TYW1: variants seen among roughly 807,000 people sequenced by gnomAD.
The protein encoded by TYW1 is tRNA-yW synthesizing protein 1 homolog.
A neutral mutation model predicts 96.2 loss-of-function variants in TYW1; 46 were observed. That is an observed-to-expected ratio of 0.48 (90% CI 0.38 to 0.61). The LOEUF is 0.61. Among genes scored for constraint, TYW1 ranks in the 20% least tolerant of loss-of-function variants. TYW1 has a pLI of 0.00. For missense variants in TYW1, 684 were observed against 909.6 expected (o/e 0.75, Z 3.19); for synonymous variants, 274 against 323.0 (o/e 0.85, Z 1.63).
chr7:67,040,186 G>A lies in TYW1; in HGVS notation c.985-9763G>A, dbSNP rs1794970480. On this transcript the variant is annotated intron_variant, in intron 7 of 15. Coordinates refer to ENST00000359626, the MANE Select transcript of TYW1 (RefSeq NM_018264.4). ...TTGGCCAGGGTAATTTTGAACTCCT[G>A]ACCTCAAGTGATCCGCCCGCCTTGG... 6.0e-5 allele frequency among the ~76,000 whole-genome samples: 9 copies of A among 151,120 alleles called. No homozygotes were observed. In the South Asian group the frequency reaches 1.9e-3, roughly 32 times the overall value.
intron 13 of TYW1, among the ~76,000 whole-genome samples, chr7:67,158,188 A>G (rs543220263): frequency 7.0e-5 from 10 of 142,280 alleles, no homozygotes; most frequent in African/African-American, 2.4e-4. Flanking sequence ...TCCTGGGTTC[A>G]TGTGATTCTC....
intron 8 of TYW1, among the ~76,000 whole-genome samples, chr7:67,053,380 CTTTTTT>C (rs35828058): frequency 7.4e-6 from 1 of 134,396 alleles, no homozygotes; most frequent in African/African-American, 2.8e-5. Context: ...TAGTTTGTTT[CTTTTTT>C]TTTTTTTTTT....
chr7:67,171,308 T>G (rs1229537018), intron 13 of TYW1, among the ~76,000 whole-genome samples: 1 of 152,176 alleles, frequency 6.6e-6, no homozygotes, highest in South Asian at 2.1e-4. Context: ...AAGGTCCGTT[T>G]AGTTGATTTT....
chr7:67,208,559 G>A (rs1190753431), intron 15 of TYW1, among the ~76,000 whole-genome samples: 11 of 151,874 alleles, frequency 7.2e-5, no homozygotes, highest in South Asian at 2.1e-4. Flanking sequence ...GCGTGGTGGC[G>A]CGTGCCTGTA....
At chr7:67,213,173 T>C (rs1356793899) in intron 15 of TYW1, among the ~76,000 whole-genome samples, 1 of 69,326 alleles carries the variant, frequency 1.4e-5, no homozygotes, top group Non-Finnish European at 3.1e-5. Context: ...CGCCCGGCCC[T>C]TTTTTTTTTT....
At chr7:67,231,802 A>G (rs564756553) in intron 15 of TYW1, among the ~76,000 whole-genome samples, 3 of 150,030 alleles carry the variant, frequency 2.0e-5, no homozygotes, top group South Asian at 4.2e-4. Flanking sequence ...CATGTCCTTC[A>G]CTTCTTAACA....
At chr7:67,076,078 T>G (rs1336986135) in intron 10 of TYW1, among the ~76,000 whole-genome samples, 1 of 152,226 alleles carries the variant, frequency 6.6e-6, no homozygotes, top group African/African-American at 2.4e-5. Flanking sequence ...CGGAGGTGTT[T>G]TTACCTTTCT....
rs869257148 is a variant in TYW1, at chr7:67,135,302, G to GTTTTTTT, written c.1698+17698_1698+17704dup. On this transcript the variant is annotated intron_variant, in intron 13 of 15. Coordinates refer to ENST00000359626, the MANE Select transcript of TYW1 (RefSeq NM_018264.4). ...TCTTTTTGAATATGATGTTAAAACA[G>GTTTTTTT]TTTTTTTTTTTTTTTTTTTTGAGAC... Among the ~76,000 whole-genome samples, 891 of 111,788 alleles carry GTTTTTTT rather than the reference G, an allele frequency of 8.0e-3. 49 individuals carry two copies. Among genetic ancestry groups the GTTTTTTT allele is most frequent in the African/African-American group, 0.022 (574 of 26,320 alleles). 73.3% of individuals were successfully genotyped at this position (111,788 alleles called of 152,430 possible).
In TYW1 at chr7:66,996,915, T is replaced by G; in HGVS notation, c.-64T>G. On this transcript the variant is annotated 5_prime_UTR_variant, in exon 1 of 16. Transcript: ENST00000359626. ...CGAGGTAGCTCGGTGCGTCTCGCGG[T>G]ACCAGTGCGAATCATCGGGCTATCC... is the stretch of plus-strand genomic sequence containing the variant. 1.2e-6 allele frequency: 2 copies of G among 1,612,240 alleles called. No individual in the cohort carries two copies. The highest frequency in any genetic ancestry group is 1.7e-6 in the Non-Finnish European group (2 of 1,179,288).
chr7:67,050,156 A>G, intron 8 of TYW1, 90 bp downstream of exon 8: 3 of 1,455,992 alleles, frequency 2.1e-6, no homozygotes, highest in Non-Finnish European at 2.8e-6. Context: ...TAATTAGCTC[A>G]GCAGCTGTTC....
intron 13 of TYW1, among the ~76,000 whole-genome samples, chr7:67,147,028 T>C (rs1798629634): frequency 6.6e-6 from 1 of 152,166 alleles, no homozygotes; most frequent in Non-Finnish European, 1.5e-5. Flanking sequence ...CATTTACATC[T>C]TTTTAGCCAG....
chr7:67,088,705 A>G (rs1039332335), intron 11 of TYW1, among the ~76,000 whole-genome samples: 7 of 152,172 alleles, frequency 4.6e-5, no homozygotes, highest in Admixed American at 4.6e-4. Context: ...CTGGGATTAC[A>G]GGCACATGCT....
At chr7:67,162,225 A>G (rs1034129636) in intron 13 of TYW1, among the ~76,000 whole-genome samples, 1 of 151,122 alleles carries the variant, frequency 6.6e-6, no homozygotes. Flanking sequence ...GAGGCAGGAG[A>G]ATGGCGTGAA....
intron 13 of TYW1, among the ~76,000 whole-genome samples, chr7:67,131,869 C>T (rs1194324158): frequency 6.6e-6 from 1 of 152,100 alleles, no homozygotes; most frequent in Non-Finnish European, 1.5e-5. Context: ...TGTTCGAGGG[C>T]AGGAAGCATC....
At chr7:67,139,424 C>G (rs1016179205) in intron 13 of TYW1, among the ~76,000 whole-genome samples, 2 of 152,142 alleles carry the variant, frequency 1.3e-5, no homozygotes, top group African/African-American at 4.8e-5. Context: ...ACAAAATGTA[C>G]ACACATGTGT....
intron 13 of TYW1, among the ~76,000 whole-genome samples, chr7:67,158,427 A>T (rs1027814996): frequency 6.6e-5 from 10 of 151,788 alleles, no homozygotes; most frequent in Admixed American, 6.6e-5. Context: ...GGCTTTTGTC[A>T]AATGCTTTTC....
chr7:67,195,540 C>G (rs531247321), intron 15 of TYW1, among the ~76,000 whole-genome samples: 3 of 152,096 alleles, frequency 2.0e-5, no homozygotes, highest in African/African-American at 7.2e-5. Flanking sequence ...TTGTTTAGCC[C>G]TCCTCTGGAC....
intron 8 of TYW1, among the ~76,000 whole-genome samples, chr7:67,054,876 T>G (rs952777816): frequency 6.6e-6 from 1 of 152,218 alleles, no homozygotes; most frequent in East Asian, 1.9e-4. Flanking sequence ...TTTTCCATGC[T>G]TTTCATGTCC....
At position 67,186,393 on chromosome 7, in the gene TYW1, A is replaced by T. The variant is rs1186479478; in HGVS notation, c.1809+3157A>T. Among the ~76,000 whole-genome samples the T allele has an allele frequency of 7.2e-5, 11 of 151,920 alleles. No homozygotes were observed. In the South Asian group the frequency reaches 2.3e-3, roughly 32 times the overall value. On this transcript the variant is annotated intron_variant, in intron 14 of 15. Coordinates refer to ENST00000359626, the MANE Select transcript of TYW1 (RefSeq NM_018264.4). ...TTTTAAAGAATGACAGCTACTTGGTAAACAGTATACTTCTCTGATGGGTAT... is the reference window on the plus strand; with the variant it reads ...TTTTAAAGAATGACAGCTACTTGGTTAACAGTATACTTCTCTGATGGGTAT...
Sources: allele counts gnomAD v4.1 joint callset (sites outside exome capture counted in the v4.1 genomes callset), GRCh38; gene constraint gnomAD v4.1.1; transcripts MANE v1.5; gene names NCBI Gene and HGNC (gene_info 2026-07-23, HGNC 2026-07-21).